Variants in SHROOM3 observed in about 807,000 individuals in gnomAD.
SHROOM3 encodes shroom family member 3.
A neutral mutation model predicts 138.6 loss-of-function variants in SHROOM3; 47 were observed. The ratio of observed to expected loss-of-function variants is 0.34; its 90% confidence interval spans 0.27 to 0.43. The LOEUF is 0.43. SHROOM3 is among the 20% of genes least tolerant of loss of function. SHROOM3 has a pLI of 1.00. For synonymous variants in SHROOM3, 1,062 were observed against 1,063.3 expected (o/e 1.00, Z 0.02); for missense variants, 2,491 against 2,596.5 (o/e 0.96, Z 0.88).
At chr4:76,722,868 A>C (rs1256865699) in intron 3 of SHROOM3, among the ~76,000 whole-genome samples, 1 of 152,032 alleles carries the variant, frequency 6.6e-6, no homozygotes, top group Non-Finnish European at 1.5e-5. Flanking sequence ...ATTGCGCACT[A>C]AACAATAATG....
intron 2 of SHROOM3, among the ~76,000 whole-genome samples, chr4:76,612,099 A>C (rs1348816277): frequency 6.6e-6 from 1 of 152,108 alleles, no homozygotes; most frequent in African/African-American, 2.4e-5. Context: ...CCTCTACTCT[A>C]AACCCGCTCA....
chr4:76,494,118 C>T (rs11097385), intron 1 of SHROOM3, among the ~76,000 whole-genome samples: 2,264 of 151,862 alleles, frequency 0.015, 56 homozygotes, highest in East Asian at 0.08. Context: ...ACGGCCCCCT[C>T]CCTAATTCAA....
At chr4:76,756,327 T>A in intron 7 of SHROOM3, 122 bp from the exon 8 acceptor site, 1 of 1,173,818 alleles carries the variant, frequency 8.5e-7, no homozygotes, top group Non-Finnish European at 1.2e-6. Context: ...TGTGGAAAGC[T>A]ACAGCCCTGA....
intron 1 of SHROOM3, among the ~76,000 whole-genome samples, chr4:76,499,580 A>C (rs983962333): frequency 6.6e-6 from 1 of 152,234 alleles, no homozygotes; most frequent in African/African-American, 2.4e-5. Flanking sequence ...TAGTTCAAAA[A>C]TAAGAACAAG....
At chr4:76,443,320 G>A (rs950655788) in intron 1 of SHROOM3, among the ~76,000 whole-genome samples, 1 of 152,198 alleles carries the variant, frequency 6.6e-6, no homozygotes, top group Non-Finnish European at 1.5e-5. Flanking sequence ...AGATTCCCAA[G>A]GCTTTGCCTT....
At chr4:76,744,868 C>T (rs67084076) in intron 5 of SHROOM3, among the ~76,000 whole-genome samples, 33,061 of 152,002 alleles carry the variant, frequency 0.22, 3,688 homozygotes, top group African/African-American at 0.22. Context: ...TTTCAAAATT[C>T]TCATTAGTGA....
chr4:76,516,906 C>T (rs1732455101), intron 1 of SHROOM3, among the ~76,000 whole-genome samples: 1 of 152,198 alleles, frequency 6.6e-6, no homozygotes, highest in East Asian at 1.9e-4. Flanking sequence ...GCCAAGCTTC[C>T]ATCATACCCA....
chr4:76,538,208 C>T (rs1030590077), intron 1 of SHROOM3, among the ~76,000 whole-genome samples: 2 of 152,088 alleles, frequency 1.3e-5, no homozygotes, highest in African/African-American at 4.8e-5. Context: ...CTGAATTGTA[C>T]ATTTTAAAAG....
chr4:76,456,822 G>A (rs1334540555), intron 1 of SHROOM3, among the ~76,000 whole-genome samples: 1 of 152,204 alleles, frequency 6.6e-6, no homozygotes, highest in African/African-American at 2.4e-5. Flanking sequence ...GCAAAGGGTG[G>A]TGGATTATCA....
chr4:76,620,186 G>A (rs139690606), intron 2 of SHROOM3, among the ~76,000 whole-genome samples: 1 of 152,124 alleles, frequency 6.6e-6, no homozygotes, highest in East Asian at 1.9e-4. Flanking sequence ...GAGGTTGTTA[G>A]TAGAAATGGG....
At chr4:76,582,013 GTTTA>G (rs1194937887) in intron 2 of SHROOM3, among the ~76,000 whole-genome samples, 1 of 152,196 alleles carries the variant, frequency 6.6e-6, no homozygotes, top group African/African-American at 2.4e-5. Flanking sequence ...ATTTTGTAAA[GTTTA>G]TTTATTAAGC....
intron 1 of SHROOM3, among the ~76,000 whole-genome samples, chr4:76,543,297 AG>A: frequency 6.6e-6 from 1 of 152,206 alleles, no homozygotes; most frequent in Non-Finnish European, 1.5e-5. Context: ...AAGGTGAGTT[AG>A]GGGGTTGTGA....
chr4:76,681,577 G>GC (rs904862242), intron 2 of SHROOM3, among the ~76,000 whole-genome samples: 1 of 149,644 alleles, frequency 6.7e-6, no homozygotes, highest in African/African-American at 2.5e-5. Flanking sequence ...GTTGTAAGAA[G>GC]CTTAGGCAGA....
intron 2 of SHROOM3, among the ~76,000 whole-genome samples, chr4:76,600,258 G>A (rs1423641642): frequency 1.3e-5 from 2 of 152,172 alleles, no homozygotes; most frequent in South Asian, 2.1e-4. Flanking sequence ...TGTATATCAC[G>A]TTGCCTTCTT....
At chr4:76,582,637 TGAGC>T (rs995004985) in intron 2 of SHROOM3, among the ~76,000 whole-genome samples, 9 of 152,202 alleles carry the variant, frequency 5.9e-5, no homozygotes, top group African/African-American at 2.2e-4. Flanking sequence ...CTTGAGTAGA[TGAGC>T]TACTAGCTTT....
chr4:76,618,431 G>C (rs1330210814), intron 2 of SHROOM3, among the ~76,000 whole-genome samples: 1 of 152,178 alleles, frequency 6.6e-6, no homozygotes, highest in Non-Finnish European at 1.5e-5. Context: ...GGGCTACCCT[G>C]CTTACCAATA....
chr4:76,783,165 T>G lies in SHROOM3; in HGVS notation c.*3988T>G, dbSNP rs968313940. 6.6e-6 allele frequency: 1 copy of G among 152,202 alleles called. No individual in the cohort carries two copies. Among genetic ancestry groups the G allele is most frequent in the African/African-American group, 2.4e-5 (1 of 41,452 alleles). 9.4% of individuals were successfully genotyped at this position (152,202 alleles called of 1,614,324 possible). A position where few individuals can be genotyped will look rare whatever the true frequency, so the allele number is the denominator to read the frequency against. On this transcript the variant is annotated 3_prime_UTR_variant, in exon 11 of 11. Transcript: ENST00000296043. The stretch of plus-strand genomic sequence containing the variant: ...TGTTATGATCACAATAAGACTAACA[T>G]GAATTTAATAATCTGAATAATTTTT...
At chr4:76,626,011 G>A (rs998417409) in intron 2 of SHROOM3, among the ~76,000 whole-genome samples, 16 of 152,238 alleles carry the variant, frequency 1.1e-4, no homozygotes, top group East Asian at 5.8e-4. Context: ...TTAACTTTTC[G>A]TTTATTGTTG....
At chr4:76,750,001 T>C (rs1162456342) in intron 6 of SHROOM3, among the ~76,000 whole-genome samples, 1 of 152,214 alleles carries the variant, frequency 6.6e-6, no homozygotes, top group African/African-American at 2.4e-5. Flanking sequence ...ATTCAATCAT[T>C]GTTTCTACAT....
Sources: gnomAD v4.1 joint callset for allele counts (sites outside exome capture counted in the v4.1 genomes callset) on GRCh38, gnomAD v4.1.1 for gene constraint, MANE v1.5 for transcripts, NCBI Gene and HGNC (gene_info 2026-07-23, HGNC 2026-07-21) for gene names.